The following TTC7B variants were observed in gnomAD, a reference collection of about 807,000 sequenced individuals.
TTC7B encodes the protein tetratricopeptide repeat protein 7B.
In TTC7B, 28 loss-of-function variants were observed where a neutral mutation model predicts 106.8. The ratio of observed to expected loss-of-function variants is 0.26; its 90% CI spans 0.19 to 0.36. The LOEUF (loss-of-function observed/expected upper bound fraction) is 0.36, where lower values mean the gene tolerates loss of function less well. Ranked by LOEUF, TTC7B falls within the 10% of genes least tolerant of loss-of-function variation. TTC7B has a pLI of 1.00. For missense variants in TTC7B, 862 were observed against 1,076.4 expected, an observed-to-expected ratio of 0.80 and a Z score of 2.79; for synonymous variants, 405 against 430.6, an observed-to-expected ratio of 0.94 and a Z score of 0.74.
intron 17 of TTC7B, among the ~76,000 whole-genome samples, chr14:90,609,347 A>G (rs562854790): frequency 1.3e-5 from 2 of 152,318 alleles, no homozygotes; most frequent in Non-Finnish European, 2.9e-5. Context: ...TTTACCCAGG[A>G]GCTGCAGGAC....
At chr14:90,676,885 C>T (rs539083708) in intron 8 of TTC7B, among the ~76,000 whole-genome samples, 1 of 152,272 alleles carries the variant, frequency 6.6e-6, no homozygotes, top group Non-Finnish European at 1.5e-5. Context: ...AAGTGTGAAC[C>T]TAGAGGGCAC....
At chr14:90,773,330 G>T (rs1285531556) in intron 3 of TTC7B, among the ~76,000 whole-genome samples, 1 of 152,196 alleles carries the variant, frequency 6.6e-6, no homozygotes, top group Non-Finnish European at 1.5e-5. Flanking sequence ...GGCTAAGCAG[G>T]TTATCTCACA....
intron 19 of TTC7B, among the ~76,000 whole-genome samples, chr14:90,573,044 TG>T (rs35566205): frequency 6.6e-6 from 1 of 152,128 alleles, no homozygotes; most frequent in Non-Finnish European, 1.5e-5. Flanking sequence ...GGGCGGGGGT[TG>T]GGGGGCAGTG....
At chr14:90,661,856 A>C (rs1886221706) in intron 9 of TTC7B, among the ~76,000 whole-genome samples, 1 of 152,242 alleles carries the variant, frequency 6.6e-6, no homozygotes, top group South Asian at 2.1e-4. Flanking sequence ...CTGAATCAAA[A>C]AGCTAGATGC....
chr14:90,623,988 TCCAG>T (rs1191943960), intron 15 of TTC7B, among the ~76,000 whole-genome samples: 1 of 152,174 alleles, frequency 6.6e-6, no homozygotes, highest in Non-Finnish European at 1.5e-5. Flanking sequence ...GCCACTGCAC[TCCAG>T]CCTGAGCGAC....
At chr14:90,633,461 G>T (rs1884789643) in intron 15 of TTC7B, among the ~76,000 whole-genome samples, 1 of 152,218 alleles carries the variant, frequency 6.6e-6, no homozygotes, top group Non-Finnish European at 1.5e-5. Context: ...CAACCTTTCA[G>T]TAACACTGAA....
In TTC7B at chr14:90,805,486, G is replaced by A. The variant is rs915388105; in HGVS notation, c.121+10689C>T. 3.3e-5 allele frequency among the ~76,000 whole-genome samples: 5 copies of A among 152,118 alleles called. No homozygotes were observed. Among genetic ancestry groups the A allele is most frequent in the Admixed American group, 1.3e-4 (2 of 15,280 alleles). ...TCACCATGTTGGCCGGGCTGGTCTC[G>A]AAATCCTCACCTCAGGGGATCTACC... On this transcript the variant is annotated intron_variant, in intron 1 of 19. Coordinates refer to ENST00000328459, the MANE Select transcript of TTC7B (RefSeq NM_001010854.2). This position sits in a 1 kb window ranked among gnomAD's most constrained non-coding sequence, Gnocchi z 4.0.
intron 19 of TTC7B, among the ~76,000 whole-genome samples, chr14:90,563,398 A>G (rs140413340): frequency 2.0e-5 from 3 of 152,334 alleles, no homozygotes; most frequent in Non-Finnish European, 2.9e-5. Flanking sequence ...AGTGTGTAAT[A>G]CCATTATACC....
At chr14:90,750,021 G>A (rs1890091834) in intron 3 of TTC7B, among the ~76,000 whole-genome samples, 1 of 152,116 alleles carries the variant, frequency 6.6e-6, no homozygotes, top group Non-Finnish European at 1.5e-5. Flanking sequence ...TCAATAAGTA[G>A]CCTCTCTCTA....
At chr14:90,797,407 G>A (rs142046118) in intron 1 of TTC7B, among the ~76,000 whole-genome samples, 8 of 149,848 alleles carry the variant, frequency 5.3e-5, no homozygotes, top group East Asian at 2.0e-4. Context: ...ACAGTGAGCC[G>A]AGATGTCTCC....
intron 3 of TTC7B, among the ~76,000 whole-genome samples, chr14:90,753,184 A>G (rs1313192001): frequency 1.3e-5 from 2 of 152,262 alleles, no homozygotes; most frequent in Non-Finnish European, 2.9e-5. Flanking sequence ...ACTATGTACT[A>G]TAACTCTAAG....
intron 5 of TTC7B, among the ~76,000 whole-genome samples, chr14:90,722,577 G>A (rs1306835900): frequency 6.6e-6 from 1 of 152,142 alleles, no homozygotes; most frequent in Non-Finnish European, 1.5e-5. Context: ...AAAATGGAAG[G>A]GGAAGAACAT....
At chr14:90,770,799 A>G (rs1362249012) in intron 3 of TTC7B, among the ~76,000 whole-genome samples, 1 of 152,270 alleles carries the variant, frequency 6.6e-6, no homozygotes, top group African/African-American at 2.4e-5. Flanking sequence ...AGGACAGACC[A>G]TGTGTTAGGT....
chr14:90,648,703 T>A (rs1885581986), intron 13 of TTC7B: 1 of 152,218 alleles, frequency 6.6e-6, no homozygotes, highest in South Asian at 2.1e-4. Context: ...CTTTTATAAT[T>A]TTACAAATAT....
intron 15 of TTC7B, among the ~76,000 whole-genome samples, chr14:90,632,802 AAAT>A (rs1884758853): frequency 6.6e-6 from 1 of 152,244 alleles, no homozygotes. Context: ...TACAAAATGA[AAAT>A]AATAACAAAA....
intron 18 of TTC7B, among the ~76,000 whole-genome samples, chr14:90,582,643 G>T (rs978283229): frequency 6.6e-6 from 1 of 152,200 alleles, no homozygotes; most frequent in Non-Finnish European, 1.5e-5. Context: ...CTTGGAGACC[G>T]CAGGGTGAGG....
chr14:90,561,056 G>A (rs1441298938), intron 19 of TTC7B, among the ~76,000 whole-genome samples: 1 of 152,206 alleles, frequency 6.6e-6, no homozygotes. Context: ...GATCCCCGCA[G>A]GGATCGCTCA....
At chr14:90,553,062 C>A (rs892423736) in intron 19 of TTC7B, among the ~76,000 whole-genome samples, 18 of 152,290 alleles carry the variant, frequency 1.2e-4, no homozygotes, top group Non-Finnish European at 2.5e-4. Context: ...AGGCCAGATG[C>A]CCCCAGGGGG....
At chr14:90,601,868 C>G (rs1366985115) in intron 17 of TTC7B, 10 of 285,304 alleles carry the variant, frequency 3.5e-5, no homozygotes, top group Non-Finnish European at 5.5e-5. Context: ...TACATTTTTA[C>G]AGATGAGGAA....
Sources: allele counts gnomAD v4.1 joint callset (sites outside exome capture counted in the v4.1 genomes callset), GRCh38; gene constraint gnomAD v4.1.1; non-coding constraint Gnocchi (gnomAD v3.1); transcripts MANE v1.5; gene names NCBI Gene and HGNC (gene_info 2026-07-23, HGNC 2026-07-21).